Variants in CFAP95 observed in about 807,000 individuals in gnomAD.
The protein encoded by CFAP95 is cilia- and flagella-associated protein 95.
the CFAP95 span, among the ~76,000 whole-genome samples, chr9:69,868,391 C>T: frequency 6.6e-6 from 1 of 152,008 alleles, no homozygotes; most frequent in South Asian, 2.1e-4. Flanking sequence ...AAAAATGAGG[C>T]TGGGTGTCAT....
the CFAP95 span, among the ~76,000 whole-genome samples, chr9:69,837,484 A>C: frequency 6.6e-6 from 1 of 152,168 alleles, no homozygotes; most frequent in Admixed American, 6.5e-5. Flanking sequence ...ATGGCCAGTG[A>C]TGATGAGCAT....
At chr9:69,862,213 T>C in the CFAP95 span, among the ~76,000 whole-genome samples, 1 of 152,226 alleles carries the variant, frequency 6.6e-6, no homozygotes. Flanking sequence ...TCTATCTTAT[T>C]TGATTTAGGG....
chr9:69,843,612 CT>C, the CFAP95 span, among the ~76,000 whole-genome samples: 13 of 75,288 alleles, frequency 1.7e-4, no homozygotes, highest in African/African-American at 1.1e-3. Flanking sequence ...TCTTCTTCTT[CT>C]TCTTCTTCTT....
chr9:69,847,254 C>T, the CFAP95 span, among the ~76,000 whole-genome samples: 375 of 152,232 alleles, frequency 2.5e-3, 1 homozygote, highest in African/African-American at 7.9e-3. Flanking sequence ...AGGATCAATT[C>T]AACAAGATGG....
chr9:69,862,050 A>G, the CFAP95 span, among the ~76,000 whole-genome samples: 1 of 152,222 alleles, frequency 6.6e-6, no homozygotes, highest in African/African-American at 2.4e-5. Context: ...GCTAAATTCA[A>G]TGCTCTGAAG....
chr9:69,903,445 A>T, the CFAP95 span, among the ~76,000 whole-genome samples: 1 of 152,148 alleles, frequency 6.6e-6, no homozygotes, highest in Non-Finnish European at 1.5e-5. Flanking sequence ...ACCCTGGAAA[A>T]TGGGAGAAGC....
the CFAP95 span, among the ~76,000 whole-genome samples, chr9:69,895,369 C>CTCTCTCTCTGTGTG: frequency 2.8e-4 from 30 of 107,916 alleles, no homozygotes; most frequent in African/African-American, 1.1e-3. Flanking sequence ...CTCTCTCTCT[C>CTCTCTCTCTGTGTG]TGTGTGTGTG....
chr9:69,883,822 T>TA, the CFAP95 span, among the ~76,000 whole-genome samples: 840 of 43,624 alleles, frequency 0.019, 1 homozygote, highest in Middle Eastern at 0.049. Context: ...TTTATTTTTT[T>TA]AAAAAAAAAC....
At chr9:69,824,494 G>A in the CFAP95 span, among the ~76,000 whole-genome samples, 7 of 151,864 alleles carry the variant, frequency 4.6e-5, no homozygotes, top group African/African-American at 7.3e-5. Context: ...AGCAAGCAAC[G>A]CTCTGCCTTT....
chr9:69,821,534 C>T, the CFAP95 span, among the ~76,000 whole-genome samples: 3 of 152,138 alleles, frequency 2.0e-5, no homozygotes, highest in African/African-American at 7.2e-5. Flanking sequence ...AATTAGAGGC[C>T]AGGGGCACAG....
At chr9:69,856,648 A>G in the CFAP95 span, 1 of 1,611,654 alleles carries the variant, frequency 6.2e-7, no homozygotes, top group Admixed American at 1.7e-5. Flanking sequence ...GAATGAGGAA[A>G]CAGTGAGCTC....
the CFAP95 span, among the ~76,000 whole-genome samples, chr9:69,848,682 G>A: frequency 6.6e-6 from 1 of 152,196 alleles, no homozygotes; most frequent in African/African-American, 2.4e-5. Context: ...GTCCAAGTGG[G>A]ATAATTGAGA....
the CFAP95 span, among the ~76,000 whole-genome samples, chr9:69,880,709 A>G: frequency 6.6e-6 from 1 of 152,152 alleles, no homozygotes; most frequent in African/African-American, 2.4e-5. Context: ...TGATAGCTCA[A>G]TTGTTAGCTT....
chr9:69,828,233 A>T, the CFAP95 span, among the ~76,000 whole-genome samples: 24 of 152,260 alleles, frequency 1.6e-4, no homozygotes, highest in African/African-American at 5.5e-4. Flanking sequence ...AACAGTCCTA[A>T]TTTTTCCCAA....
the CFAP95 span, among the ~76,000 whole-genome samples, chr9:69,830,258 T>G: frequency 1.3e-5 from 2 of 152,286 alleles, no homozygotes; most frequent in East Asian, 3.9e-4. Context: ...CTGGACCAAG[T>G]ACCTGTTTGG....
the CFAP95 span, among the ~76,000 whole-genome samples, chr9:69,863,658 C>A: frequency 6.6e-6 from 1 of 152,246 alleles, no homozygotes; most frequent in Middle Eastern, 3.4e-3. Flanking sequence ...ATGTACAAAT[C>A]TCTGGGCTGT....
the CFAP95 span, among the ~76,000 whole-genome samples, chr9:69,869,929 A>G: frequency 6.6e-6 from 1 of 152,164 alleles, no homozygotes; most frequent in African/African-American, 2.4e-5. Context: ...AATTACTTAA[A>G]ATGAAGTCTT....
chr9:69,898,524 T>C, the CFAP95 span, among the ~76,000 whole-genome samples: 1 of 152,226 alleles, frequency 6.6e-6, no homozygotes, highest in Admixed American at 6.5e-5. Flanking sequence ...GCAGAGTTGA[T>C]AGCTGTTTAC....
the CFAP95 span, among the ~76,000 whole-genome samples, chr9:69,854,377 T>C: frequency 6.6e-6 from 1 of 152,238 alleles, no homozygotes; most frequent in African/African-American, 2.4e-5. Flanking sequence ...ATAGCTAGTA[T>C]AGCCTCTGGA....
Sources: allele counts gnomAD v4.1 joint callset (sites outside exome capture counted in the v4.1 genomes callset), GRCh38; gene constraint gnomAD v4.1.1; transcripts MANE v1.5; gene names NCBI Gene and HGNC (gene_info 2026-07-23, HGNC 2026-07-21).